TNF: variants seen among roughly 807,000 people sequenced by gnomAD.
The protein encoded by TNF is APC1 protein.
A neutral mutation model predicts 21.8 loss-of-function variants in TNF; 7 were observed. The ratio of observed to expected loss-of-function variants is 0.32; its 90% CI spans 0.18 to 0.60. TNF has a LOEUF of 0.60. Among genes scored for constraint, TNF ranks in the 20% least tolerant of loss-of-function variants. The pLI is 0.84. For synonymous variants in TNF, 123 were observed against 130.2 expected (o/e 0.94, Z 0.38); for missense variants, 216 against 296.6 (o/e 0.73, Z 2.00).
At position 31,575,981 on chromosome 6, in the gene TNF, G is replaced by A. The variant is rs3093661; in HGVS notation, c.186+54G>A. The A allele has an allele frequency of 0.039, 55,623 of 1,423,414 alleles. 1,262 individuals carry two copies. Among genetic ancestry groups the A allele is most frequent in the South Asian group, 0.058 (3,580 of 62,202 alleles). 88.2% of individuals were successfully genotyped at this position (1,423,414 alleles called of 1,614,324 possible). On this transcript the variant is annotated intron_variant, in intron 1 of 3. Coordinates refer to ENST00000449264, the MANE Select transcript of TNF (RefSeq NM_000594.4). The surrounding 1 kb of genome is among the most constrained non-coding windows in gnomAD (Gnocchi z 6.2). ...CTCCCACCCAAGGGGAAATGGAGAC[G>A]CAAGAGAGGGAGAGAGATGGGATGG... is the stretch of plus-strand genomic sequence containing the variant.
chr6:31,576,793 A>G lies in TNF; in HGVS notation c.259A>G (p.Lys87Glu), dbSNP rs1771203266. ...ATCATCTTCTCGAACCCCGAGTGAC[A>G]AGCCTGTAGCCCATGTTGTAGGTAA... Reference protein sequence around the residue: ...VRSSSRTPSDKPVAHVVANPQ... With the variant: ...VRSSSRTPSDEPVAHVVANPQ... The change falls in exon 3 of 4, where the codon AAG becomes GAG. Residue 87 changes from lysine (K) to glutamate (E), a missense_variant. Around this residue, in one of 2 missense-constraint regions of TNF, gnomAD observed 118 missense variants for 127.1 expected, o/e 0.93. Transcript: ENST00000449264. 6.2e-7 allele frequency: 1 copy of G among 1,612,970 alleles called. No individual in the cohort carries two copies. Among genetic ancestry groups the G allele is most frequent in the Non-Finnish European group, 8.5e-7 (1 of 1,179,992 alleles).
chr6:31,576,624 G>A (rs761373748), intron 2 of TNF, 45 bp downstream of exon 2: 4 of 1,610,458 alleles, frequency 2.5e-6, no homozygotes, highest in Non-Finnish European at 3.4e-6. Flanking sequence ...TTTGGGTTTG[G>A]GGGTAGGGTT....
At position 31,577,218 on chromosome 6, in the gene TNF, C is replaced by T; in HGVS notation, c.383C>T (p.Ser128Leu). ...ELRDNQLVVP[S>L]EGLYLIYSQV... ...AGAGATAACCAGCTGGTGGTGCCAT[C>T]AGAGGGCCTGTACCTCATCTACTCC... Residue 128 changes from serine to leucine, a missense_variant, in exon 4 of 4, where the codon TCA (serine) becomes TTA (leucine). Ser to Leu is a moderately radical substitution (Grantham distance 145). This residue lies in a region of TNF where 98 missense variants were observed against 169.6 expected (regional missense o/e 0.58). Coordinates refer to ENST00000449264, the MANE Select transcript of TNF (RefSeq NM_000594.4). The surrounding 1 kb of genome is among the most constrained non-coding windows in gnomAD (Gnocchi z 7.7). 6.2e-7 allele frequency: 1 copy of T among 1,613,112 alleles called. No homozygotes were observed. The highest frequency in any genetic ancestry group is 8.5e-7 in the Non-Finnish European group (1 of 1,180,012).
chr6:31,575,902 G>A lies in TNF; in HGVS notation c.161G>A (p.Gly54Glu), dbSNP rs756182468. The A allele has an allele frequency of 6.6e-5, 104 of 1,585,082 alleles. No individual in the cohort carries two copies. The Admixed American group carries it at 1.3e-3, about 19-fold the overall frequency. Residue 54 changes from glycine to glutamate, a missense_variant, in exon 1 of 4, where the codon GGA becomes GAA. Physicochemically the swap from Gly to Glu is moderately conservative, Grantham distance 98. This residue lies in a region of TNF where 118 missense variants were observed against 127.1 expected (regional missense o/e 0.93). Transcript: ENST00000449264. The surrounding 1 kb of genome is among the most constrained non-coding windows in gnomAD (Gnocchi z 6.2). Reference protein sequence around the residue: ...ATTLFCLLHFGVIGPQREEFP... With the variant: ...ATTLFCLLHFEVIGPQREEFP... ...ACGCTCTTCTGCCTGCTGCACTTTG[G>A]AGTGATCGGCCCCCAGAGGGAAGAG...
Position 31,575,848 on chromosome 6 carries a change from TCTC to T in TNF, c.110_112del (p.Ser37del), listed in dbSNP as rs1475246336. 1.9e-6 allele frequency: 3 copies of T among 1,611,656 alleles called. No homozygotes were observed. The highest frequency in any genetic ancestry group is 3.3e-5 in the Admixed American group (2 of 59,826). ...AGGCGGTGCTTGTTCCTCAGCCTCTTCTCCTTCCTGATCGTGGCAGGCGCCACC... is the reference window on the plus strand; with the variant it reads ...AGGCGGTGCTTGTTCCTCAGCCTCTTCTTCCTGATCGTGGCAGGCGCCACC... On this transcript the variant is annotated inframe_deletion, in exon 1 of 4. Coordinates refer to ENST00000449264, the MANE Select transcript of TNF (RefSeq NM_000594.4). The surrounding 1 kb of genome is among the most constrained non-coding windows in gnomAD (Gnocchi z 6.2).
intron 1 of TNF, among the ~76,000 whole-genome samples, chr6:31,576,166 GTGAATGAA>G (rs4645841): frequency 6.6e-6 from 1 of 152,090 alleles, no homozygotes; most frequent in African/African-American, 2.4e-5. Context: ...TGTGTATGGA[GTGAATGAA>G]TGAATGAATG....
At chr6:31,576,619 G>C (rs768258025) in intron 2 of TNF, 40 bp downstream of exon 2, 1 of 1,611,350 alleles carries the variant, frequency 6.2e-7, no homozygotes, top group Non-Finnish European at 8.5e-7. Context: ...CTGGGTTTGG[G>C]TTTGGGGGTA....
In TNF at chr6:31,576,831, T is replaced by A. The variant is rs1252399944; in HGVS notation, c.280+17T>A. On this transcript the variant is annotated intron_variant, in intron 3 of 3. Transcript: ENST00000449264. ...ATGTTGTAGGTAAGAGCTCTGAGGA[T>A]GTGTCTTGGAACTTGGAGGGCTAGG... 1.2e-6 allele frequency: 2 copies of A among 1,612,972 alleles called. No individual in the cohort carries two copies. Among genetic ancestry groups the A allele is most frequent in the Admixed American group, 1.7e-5 (1 of 60,020 alleles).
chr6:31,575,965 A>G lies in TNF; in HGVS notation c.186+38A>G. The G allele has an allele frequency of 6.9e-7, 1 of 1,451,176 alleles. No homozygotes were observed. Among genetic ancestry groups the G allele is most frequent in the Non-Finnish European group, 9.1e-7 (1 of 1,094,430 alleles). The allele number at this position is 1,451,176 out of a possible 1,614,324, so 89.9% of individuals were successfully genotyped here. On this transcript the variant is annotated intron_variant, in intron 1 of 3. Coordinates refer to ENST00000449264, the MANE Select transcript of TNF (RefSeq NM_000594.4). The surrounding 1 kb of genome is among the most constrained non-coding windows in gnomAD (Gnocchi z 6.2). ...CCAGCCTTCATCCACTCTCCCACCC[A>G]AGGGGAAATGGAGACGCAAGAGAGG...
chr6:31,577,083 C>T lies in TNF; in HGVS notation c.281-33C>T. 6.4e-7 allele frequency: 1 copy of T among 1,571,316 alleles called. No individual in the cohort carries two copies. The highest frequency in any genetic ancestry group is 1.3e-5 in the African/African-American group (1 of 74,542). ...TGGAGAGTGAACCGACATGGCCACACTGACTCTCCTCTCCCTCTCTCCCTC... is the reference window on the plus strand; with the variant it reads ...TGGAGAGTGAACCGACATGGCCACATTGACTCTCCTCTCCCTCTCTCCCTC... On this transcript the variant is annotated intron_variant, in intron 3 of 3. Transcript: ENST00000449264. The surrounding 1 kb of genome is among the most constrained non-coding windows in gnomAD (Gnocchi z 7.7).
Position 31,575,879 on chromosome 6 carries a change from G to C in TNF, c.138G>C (p.Thr46=). ...TCCTGATCGTGGCAGGCGCCACCACGCTCTTCTGCCTGCTGCACTTTGGAG... is the reference window on the plus strand; with the variant it reads ...TCCTGATCGTGGCAGGCGCCACCACCCTCTTCTGCCTGCTGCACTTTGGAG... ...FSFLIVAGAT[T]LFCLLHFGVI... is the part of the protein sequence containing the mutation. The change falls in exon 1 of 4, where the codon ACG becomes ACC. Residue 46 remains threonine, a synonymous_variant. Transcript: ENST00000449264. This position sits in a 1 kb window ranked among gnomAD's most constrained non-coding sequence, Gnocchi z 6.2. 8 of 1,609,506 alleles carry C rather than the reference G, an allele frequency of 5.0e-6. No individual in the cohort carries two copies. Among genetic ancestry groups the C allele is most frequent in the Non-Finnish European group, 6.8e-6 (8 of 1,177,776 alleles).
chr6:31,575,903 A>G lies in TNF; in HGVS notation c.162A>G (p.Gly54=). The G allele has an allele frequency of 6.3e-7, 1 of 1,584,128 alleles. No individual in the cohort carries two copies. The highest frequency in any genetic ancestry group is 8.6e-7 in the Non-Finnish European group (1 of 1,165,232). The change falls in exon 1 of 4, where the codon GGA becomes GGG. Residue 54 remains glycine, a synonymous_variant. Coordinates refer to ENST00000449264, the MANE Select transcript of TNF (RefSeq NM_000594.4). This position sits in a 1 kb window ranked among gnomAD's most constrained non-coding sequence, Gnocchi z 6.2. Reference sequence around the variant, plus strand: ...CGCTCTTCTGCCTGCTGCACTTTGGAGTGATCGGCCCCCAGAGGGAAGAGG... The same window carrying G: ...CGCTCTTCTGCCTGCTGCACTTTGGGGTGATCGGCCCCCAGAGGGAAGAGG... The part of the protein sequence containing the change: ...ATTLFCLLHF[G]VIGPQREEFP...
Position 31,575,948 on chromosome 6 carries a change from C to A in TNF, c.186+21C>A. 1 of 1,491,292 alleles carries A rather than the reference C, an allele frequency of 6.7e-7. No individual in the cohort carries two copies. Among genetic ancestry groups the A allele is most frequent in the East Asian group, 2.5e-5 (1 of 39,934 alleles). The allele number at this position is 1,491,292 out of a possible 1,614,324, so 92.4% of individuals were successfully genotyped here. The stretch of plus-strand genomic sequence containing the variant: ...AAGAGGTGAGTGCCTGGCCAGCCTT[C>A]ATCCACTCTCCCACCCAAGGGGAAA... On this transcript the variant is annotated intron_variant, in intron 1 of 3. Coordinates refer to ENST00000449264, the MANE Select transcript of TNF (RefSeq NM_000594.4). This position sits in a 1 kb window ranked among gnomAD's most constrained non-coding sequence, Gnocchi z 6.2.
Position 31,577,108 on chromosome 6 carries a change from C to G in TNF, c.281-8C>G. Reference sequence around the variant, plus strand: ...CTGACTCTCCTCTCCCTCTCTCCCTCCCTCCAGCAAACCCTCAAGCTGAGG... The same window carrying G: ...CTGACTCTCCTCTCCCTCTCTCCCTGCCTCCAGCAAACCCTCAAGCTGAGG... On this transcript the variant is annotated splice_polypyrimidine_tract_variant and splice_region_variant and intron_variant, in intron 3 of 3. Coordinates refer to ENST00000449264, the MANE Select transcript of TNF (RefSeq NM_000594.4). The surrounding 1 kb of genome is among the most constrained non-coding windows in gnomAD (Gnocchi z 7.7). 6.3e-7 allele frequency: 1 copy of G among 1,596,078 alleles called. No homozygotes were observed.
At position 31,575,975 on chromosome 6, in the gene TNF, G is replaced by T; in HGVS notation, c.186+48G>T. ...TCCACTCTCCCACCCAAGGGGAAATGGAGACGCAAGAGAGGGAGAGAGATG... is the reference window on the plus strand; with the variant it reads ...TCCACTCTCCCACCCAAGGGGAAATTGAGACGCAAGAGAGGGAGAGAGATG... On this transcript the variant is annotated intron_variant, in intron 1 of 3. Coordinates refer to ENST00000449264, the MANE Select transcript of TNF (RefSeq NM_000594.4). The surrounding 1 kb of genome is among the most constrained non-coding windows in gnomAD (Gnocchi z 6.2). 1 of 1,437,964 alleles carries T rather than the reference G, an allele frequency of 7.0e-7. No individual in the cohort carries two copies. Among genetic ancestry groups the T allele is most frequent in the Non-Finnish European group, 9.2e-7 (1 of 1,087,856 alleles). The allele number at this position is 1,437,964 out of a possible 1,614,324, so 89.1% of individuals were successfully genotyped here.
chr6:31,576,947 G>A (rs1771209847), intron 3 of TNF, 133 bp downstream of exon 3: 3 of 1,362,590 alleles, frequency 2.2e-6, no homozygotes, highest in Non-Finnish European at 2.1e-6. Flanking sequence ...TGGAGGAACA[G>A]CACAGGCCTT....
intron 2 of TNF, 64 bp from the exon 3 acceptor site, chr6:31,576,703 A>G: frequency 6.3e-7 from 1 of 1,593,134 alleles, no homozygotes; most frequent in East Asian, 2.3e-5. Context: ...TGGAGGTGAA[A>G]GTAGGGGGGT....
At chr6:31,576,166 G>A (rs1474571110) in intron 1 of TNF, among the ~76,000 whole-genome samples, 1 of 152,090 alleles carries the variant, frequency 6.6e-6, no homozygotes, top group Non-Finnish European at 1.5e-5. Context: ...TGTGTATGGA[G>A]TGAATGAATG....
rs1175981044 is a variant in TNF at position 31,577,029 on chromosome 6, G to A, written c.281-87G>A. The stretch of plus-strand genomic sequence containing the variant: ...GACAGAGAGGACAGGAACCGGATGT[G>A]GGGTGGGCAGAGCTCGAGGGCCAGG... On this transcript the variant is annotated intron_variant, in intron 3 of 3. Transcript: ENST00000449264. This position sits in a 1 kb window ranked among gnomAD's most constrained non-coding sequence, Gnocchi z 7.7. The A allele has an allele frequency of 1.3e-6, 2 of 1,499,328 alleles. No individual in the cohort carries two copies. The highest frequency in any genetic ancestry group is 1.3e-5 in the South Asian group (1 of 79,978). The allele number at this position is 1,499,328 out of a possible 1,614,324, so 92.9% of individuals were successfully genotyped here. A position where few individuals can be genotyped will look rare whatever the true frequency, so the allele number is the denominator to read the frequency against.
Sources: allele counts gnomAD v4.1 joint callset (sites outside exome capture counted in the v4.1 genomes callset), GRCh38; gene constraint gnomAD v4.1.1; regional missense constraint gnomAD v4.1.1; non-coding constraint Gnocchi (gnomAD v3.1); transcripts MANE v1.5; gene names NCBI Gene and HGNC (gene_info 2026-07-23, HGNC 2026-07-21).